The following DTNB variants were observed in gnomAD, a reference collection of about 807,000 sequenced individuals.
The protein encoded by DTNB is dystrobrevin beta.
In DTNB, 63 loss-of-function variants were observed where a neutral mutation model predicts 90.7. The observed-to-expected ratio is 0.69, with a 90% CI of 0.57 to 0.86. DTNB has a LOEUF of 0.86. Ranked by LOEUF, DTNB falls within the 40% of genes least tolerant of loss-of-function variation. The probability of loss-of-function intolerance (pLI) is 0.00; values close to 1 mark genes in which losing one functional copy is unlikely to be tolerated. For synonymous variants in DTNB, 277 were observed against 286.7 expected, an observed-to-expected ratio of 0.97 and a Z score of 0.34; for missense variants, 744 against 807.1, an observed-to-expected ratio of 0.92 and a Z score of 0.95.
intron 19 of DTNB, 23 bp from the exon 20 acceptor site, chr2:25,379,346 AAC>A: frequency 1.5e-6 from 2 of 1,313,642 alleles, no homozygotes; most frequent in Non-Finnish European, 2.0e-6. Context: ...GGGCAGAAAC[AAC>A]ACACTGAGGT....
intron 6 of DTNB, among the ~76,000 whole-genome samples, chr2:25,584,632 C>T (rs985509358): frequency 2.0e-5 from 3 of 151,958 alleles, no homozygotes; most frequent in Non-Finnish European, 1.5e-5. Flanking sequence ...TTTTGACTCA[C>T]TGCAACCTCC....
At chr2:25,499,112 G>T (rs963575103) in intron 9 of DTNB, among the ~76,000 whole-genome samples, 2 of 152,038 alleles carry the variant, frequency 1.3e-5, no homozygotes, top group Non-Finnish European at 2.9e-5. Flanking sequence ...AGCTACTCGG[G>T]AGGCTGAGGC....
intron 10 of DTNB, among the ~76,000 whole-genome samples, chr2:25,462,717 T>C (rs945030812): frequency 2.6e-5 from 4 of 152,114 alleles, no homozygotes; most frequent in Non-Finnish European, 5.9e-5. Flanking sequence ...TCTTTTTTTT[T>C]TTTTGAGACG....
chr2:25,383,190 T>TCTC (rs112944609), intron 19 of DTNB, among the ~76,000 whole-genome samples: 94,406 of 148,386 alleles, frequency 0.64, 30,965 homozygotes, highest in Non-Finnish European at 0.71. Flanking sequence ...CTTCATTTGA[T>TCTC]CTATTTATTT....
chr2:25,487,477 G>A (rs1443098544), intron 9 of DTNB, among the ~76,000 whole-genome samples: 1 of 152,142 alleles, frequency 6.6e-6, no homozygotes, highest in African/African-American at 2.4e-5. Context: ...TTTTATTTCA[G>A]GGACTTGAGC....
intron 5 of DTNB, chr2:25,599,035 A>G (rs1056510565): frequency 2.6e-5 from 4 of 151,870 alleles, no homozygotes; most frequent in African/African-American, 9.7e-5. Flanking sequence ...ACAATGAATA[A>G]AAGAAAAAGA....
intron 6 of DTNB, among the ~76,000 whole-genome samples, chr2:25,593,833 T>C (rs371320012): frequency 5.9e-5 from 9 of 152,198 alleles, no homozygotes; most frequent in Non-Finnish European, 1.0e-4. Flanking sequence ...ATAACTGTCA[T>C]CCATTTCTCA....
chr2:25,546,735 C>A lies in DTNB; in HGVS notation c.877-15138G>T, dbSNP rs568977727. Reference sequence around the variant, plus strand: ...ATTGTTGTTGTTATGTTTAATCCAGCGTGCATGTCTCTGTCATTGGAGAAA... The same window carrying A: ...ATTGTTGTTGTTATGTTTAATCCAGAGTGCATGTCTCTGTCATTGGAGAAA... On this transcript the variant is annotated intron_variant, in intron 8 of 20. Coordinates refer to ENST00000406818, the MANE Select transcript of DTNB (RefSeq NM_021907.5). 2.1e-4 allele frequency among the ~76,000 whole-genome samples: 32 copies of A among 152,252 alleles called. No homozygotes were observed. The South Asian group carries it at 6.0e-3, about 29-fold the overall frequency.
chr2:25,513,732 AAAAAC>A (rs1467781106), intron 9 of DTNB, among the ~76,000 whole-genome samples: 4 of 151,894 alleles, frequency 2.6e-5, no homozygotes, highest in East Asian at 1.9e-4. Flanking sequence ...ATCTCAAAGA[AAAAAC>A]AAAACAAAAC....
chr2:25,669,345 G>A (rs2085276765), intron 1 of DTNB, among the ~76,000 whole-genome samples: 1 of 151,926 alleles, frequency 6.6e-6, no homozygotes, highest in Admixed American at 6.6e-5. Context: ...AAAAAAAATT[G>A]TATCTTTTCA....
intron 10 of DTNB, among the ~76,000 whole-genome samples, chr2:25,474,085 T>TG (rs1414044868): frequency 6.6e-6 from 1 of 152,152 alleles, no homozygotes; most frequent in African/African-American, 2.4e-5. Flanking sequence ...ATACTCAAAC[T>TG]TTCTGTTTGT....
At chr2:25,526,396 T>TATATA (rs1491443224) in intron 9 of DTNB, among the ~76,000 whole-genome samples, 193 of 34,882 alleles carry the variant, frequency 5.5e-3, no homozygotes, top group Non-Finnish European at 7.7e-3. Flanking sequence ...TATATATATA[T>TATATA]TTTTTTTTTT....
At chr2:25,419,603 C>T in intron 15 of DTNB, 68 bp from the exon 16 acceptor site, 1 of 1,531,480 alleles carries the variant, frequency 6.5e-7, no homozygotes, top group Non-Finnish European at 8.8e-7. Context: ...CATTAATGCC[C>T]ATCACCACAA....
chr2:25,641,034 A>G (rs997507762), intron 2 of DTNB, among the ~76,000 whole-genome samples: 3 of 152,162 alleles, frequency 2.0e-5, no homozygotes, highest in African/African-American at 7.2e-5. Flanking sequence ...TCGGAAAATG[A>G]TAAGCTCCAT....
rs149963737 is a variant in DTNB, at chr2:25,530,470, A to G, written c.1001+1003T>C. Among the ~76,000 whole-genome samples the G allele has an allele frequency of 2.2e-4, 34 of 152,276 alleles. No individual in the cohort carries two copies. The South Asian group carries it at 5.0e-3, about 22-fold the overall frequency. ...ATAATGATAATAATGTCTAAAACTG[A>G]TAAGTCAAGAAATGGTGCTCCAAAC... On this transcript the variant is annotated intron_variant, in intron 9 of 20. Transcript: ENST00000406818.
At chr2:25,399,488 C>T (rs1226272209) in intron 16 of DTNB, 2 of 151,956 alleles carry the variant, frequency 1.3e-5, no homozygotes, top group African/African-American at 4.8e-5. Flanking sequence ...GGATTACAGA[C>T]ATGCACCACC....
At chr2:25,553,357 TTTGA>T (rs1438692983) in intron 8 of DTNB, among the ~76,000 whole-genome samples, 3 of 152,200 alleles carry the variant, frequency 2.0e-5, no homozygotes, top group Non-Finnish European at 2.9e-5. Context: ...AAGCTATAAT[TTTGA>T]TTAACATATG....
chr2:25,425,004 T>C (rs2051064724), intron 15 of DTNB, among the ~76,000 whole-genome samples: 1 of 152,140 alleles, frequency 6.6e-6, no homozygotes, highest in African/African-American at 2.4e-5. Context: ...ACTAACTCCA[T>C]GGCAGCAGGG....
intron 9 of DTNB, among the ~76,000 whole-genome samples, chr2:25,496,218 G>A (rs1387761468): frequency 3.9e-5 from 6 of 152,038 alleles, no homozygotes; most frequent in Non-Finnish European, 7.4e-5. Context: ...CTTATAAACC[G>A]GATCATCAAA....
Sources: allele counts gnomAD v4.1 joint callset (sites outside exome capture counted in the v4.1 genomes callset), GRCh38; gene constraint gnomAD v4.1.1; transcripts MANE v1.5; gene names NCBI Gene and HGNC (gene_info 2026-07-23, HGNC 2026-07-21).